Variants in TUSC3 observed in about 807,000 individuals in gnomAD.
TUSC3 encodes dolichyl-diphosphooligosaccharide--protein glycosyltransferase subunit TUSC3.
In TUSC3, 45 loss-of-function variants were observed where a neutral mutation model predicts 44.8. The ratio of observed to expected loss-of-function variants is 1.00; its 90% CI spans 0.79 to 1.29. The LOEUF is 1.29. Among genes scored for constraint, TUSC3 ranks in the 50% most tolerant of loss-of-function variants. The pLI, the probability that TUSC3 is intolerant of heterozygous loss-of-function variation, is 0.00. For synonymous variants in TUSC3, 212 were observed against 152.9 expected, an observed-to-expected ratio of 1.39 and a Z score of -2.85; for missense variants, 519 against 437.9, an observed-to-expected ratio of 1.19 and a Z score of -1.65.
At chr8:15,600,081 C>A (rs1016418930) in intron 1 of TUSC3, among the ~76,000 whole-genome samples, 4 of 151,656 alleles carry the variant, frequency 2.6e-5, no homozygotes, top group Non-Finnish European at 4.4e-5. Flanking sequence ...TTAGGCGGGA[C>A]TTCTAGTATG....
At chr8:15,766,789 C>G (rs1448656822), downstream of TUSC3, 1 of 152,072 alleles carries the variant, frequency 6.6e-6, no homozygotes, top group East Asian at 1.9e-4. Flanking sequence ...TTCTTGCTAT[C>G]ACCTAAGCAA....
chr8:15,447,851 A>G lies in TUSC3; in HGVS notation n.91+30546A>G, dbSNP rs555688880. Among the ~76,000 whole-genome samples, 322 of 151,566 alleles carry G rather than the reference A, an allele frequency of 2.1e-3. 3 individuals carry two copies. The highest frequency in any genetic ancestry group is 7.5e-3 in the African/African-American group (310 of 41,300). On this transcript the variant is annotated intron_variant and non_coding_transcript_variant, in intron 1 of 5. Coordinates refer to the TUSC3 transcript ENST00000503191. ...CATGCGAGAACCCATAAAAACAGAG[A>G]CTCCCTCATCGTATTTATATATCAC...
chr8:15,743,317 C>T (rs758877742), intron 7 of TUSC3: 2 of 549,574 alleles, frequency 3.6e-6, no homozygotes, highest in Middle Eastern at 5.0e-4. Context: ...GAATTAGCCT[C>T]TCAATATATC....
chr8:15,650,911 A>G, intron 3 of TUSC3, 97 bp downstream of exon 3: 2 of 1,340,424 alleles, frequency 1.5e-6, no homozygotes, highest in South Asian at 2.4e-5. Flanking sequence ...CATCGTCTGA[A>G]CCTGGGAGGC....
chr8:15,846,114 G>C, the TUSC3 span, among the ~76,000 whole-genome samples: 2,049 of 152,264 alleles, frequency 0.013, 116 homozygotes, highest in Admixed American at 0.1. Flanking sequence ...ACCTCCCCCT[G>C]AGTCCCTCCC....
intron 6 of TUSC3, among the ~76,000 whole-genome samples, chr8:15,694,834 C>T (rs898945933): frequency 6.6e-6 from 1 of 152,084 alleles, no homozygotes; most frequent in East Asian, 1.9e-4. Flanking sequence ...TCACAACACT[C>T]CCATGAGTGG....
chr8:15,764,343 AC>A lies in TUSC3; in HGVS notation c.*188del. On this transcript the variant is annotated 3_prime_UTR_variant, in exon 11 of 11. Coordinates refer to ENST00000503731, the MANE Select transcript of TUSC3 (RefSeq NM_006765.4). ...GCTTATTCTTGTGTACTTTTTTTAA[AC>A]TGTGGGTTTTCCTAGTAAATTTAAT... 1 of 1,022,988 alleles carries A rather than the reference AC, an allele frequency of 9.8e-7. No homozygotes were observed. Among genetic ancestry groups the A allele is most frequent in the East Asian group, 2.6e-5 (1 of 37,812 alleles). The allele number at this position is 1,022,988 out of a possible 1,614,324, so 63.4% of individuals were successfully genotyped here.
In TUSC3 at chr8:15,730,569, G is replaced by A. The variant is rs983318845; in HGVS notation, c.799-97G>A. On this transcript the variant is annotated intron_variant, in intron 6 of 10. Coordinates refer to ENST00000503731, the MANE Select transcript of TUSC3 (RefSeq NM_006765.4). ...AAGTAATAAAAAATTAGTAAAAATC[G>A]AATTAGATTTTTCCATTGTTTATCT... 3.1e-5 allele frequency: 36 copies of A among 1,175,270 alleles called. No homozygotes were observed. The South Asian group carries it at 3.3e-4, about 11-fold the overall frequency. The allele number at this position is 1,175,270 out of a possible 1,614,324, so 72.8% of individuals were successfully genotyped here. A position where few individuals can be genotyped will look rare whatever the true frequency, so the allele number is the denominator to read the frequency against.
At chr8:15,799,206 T>C in the TUSC3 span, among the ~76,000 whole-genome samples, 1 of 152,016 alleles carries the variant, frequency 6.6e-6, no homozygotes, top group South Asian at 2.1e-4. Flanking sequence ...GCAGGAGGCA[T>C]TGAGCTGTAA....
intron 6 of TUSC3, among the ~76,000 whole-genome samples, chr8:15,689,865 T>A (rs201584166): frequency 4.0e-4 from 30 of 75,260 alleles, no homozygotes; most frequent in African/African-American, 1.2e-3. Flanking sequence ...TGTGTGTGTA[T>A]AAATATATAT....
At chr8:15,686,707 T>C (rs1440344881) in intron 6 of TUSC3, among the ~76,000 whole-genome samples, 1 of 152,144 alleles carries the variant, frequency 6.6e-6, no homozygotes, top group Non-Finnish European at 1.5e-5. Flanking sequence ...GGGCATTCAG[T>C]AGCTTTATTA....
the TUSC3 span, among the ~76,000 whole-genome samples, chr8:15,778,114 A>AC: frequency 6.8e-6 from 1 of 148,126 alleles, no homozygotes; most frequent in African/African-American, 2.5e-5. Flanking sequence ...AAAAAAAACA[A>AC]AAAACCAAAA....
At chr8:15,598,387 A>G (rs780826369) in intron 1 of TUSC3, among the ~76,000 whole-genome samples, 9 of 151,982 alleles carry the variant, frequency 5.9e-5, no homozygotes, top group Non-Finnish European at 1.3e-4. Flanking sequence ...GCCTCCACAC[A>G]TGCGTCATCT....
At chr8:15,587,403 G>C (rs1394630526) in intron 1 of TUSC3, among the ~76,000 whole-genome samples, 5 of 152,032 alleles carry the variant, frequency 3.3e-5, no homozygotes, top group African/African-American at 1.2e-4. Flanking sequence ...AGCATCCACT[G>C]TCTTTTCACT....
chr8:15,494,025 C>T (rs912551177), intron 2 of TUSC3, among the ~76,000 whole-genome samples: 2 of 152,180 alleles, frequency 1.3e-5, no homozygotes, highest in Non-Finnish European at 1.5e-5. Flanking sequence ...ACTTCTTTCT[C>T]TTACACTCGT....
At chr8:15,479,872 C>A (rs1050947193) in intron 1 of TUSC3, among the ~76,000 whole-genome samples, 1 of 152,122 alleles carries the variant, frequency 6.6e-6, no homozygotes, top group Non-Finnish European at 1.5e-5. Context: ...TCTCTGTTTG[C>A]AGATGATATG....
At chr8:15,721,847 T>G (rs1810316083) in intron 6 of TUSC3, among the ~76,000 whole-genome samples, 1 of 152,076 alleles carries the variant, frequency 6.6e-6, no homozygotes, top group Admixed American at 6.6e-5. Context: ...TCTCAACATT[T>G]ATTTGGAAAA....
chr8:15,511,009 G>A (rs1801127667), intron 2 of TUSC3, among the ~76,000 whole-genome samples: 1 of 152,078 alleles, frequency 6.6e-6, no homozygotes, highest in Admixed American at 6.6e-5. Flanking sequence ...AAATGTTTTG[G>A]AAAATTCAAG....
At chr8:15,471,065 G>A (rs779365755) in intron 1 of TUSC3, among the ~76,000 whole-genome samples, 1 of 152,174 alleles carries the variant, frequency 6.6e-6, no homozygotes, top group African/African-American at 2.4e-5. Flanking sequence ...AAAGTGCTCT[G>A]CAAACTCCCT....
Sources: allele counts gnomAD v4.1 joint callset (sites outside exome capture counted in the v4.1 genomes callset), GRCh38; gene constraint gnomAD v4.1.1; transcripts MANE v1.5; gene names NCBI Gene and HGNC (gene_info 2026-07-23, HGNC 2026-07-21).